Variants in BACH2 observed in about 807,000 individuals in gnomAD.
BACH2 encodes transcription regulator protein BACH2.
Under a neutral mutation model 61.8 loss-of-function variants are expected in BACH2, and 5 were observed. That is an observed-to-expected ratio of 0.08 (90% CI 0.04 to 0.17). The LOEUF (loss-of-function observed/expected upper bound fraction) is 0.17. BACH2 is among the 10% of genes least tolerant of loss of function. BACH2 has a pLI of 1.00. For synonymous variants in BACH2, 446 were observed against 440.1 expected, an observed-to-expected ratio of 1.01 and a Z score of -0.17; for missense variants, 824 against 1,091.1, an observed-to-expected ratio of 0.76 and a Z score of 3.45.
chr6:90,068,813 C>T (rs955224302), intron 5 of BACH2, among the ~76,000 whole-genome samples: 38 of 152,076 alleles, frequency 2.5e-4, no homozygotes, highest in African/African-American at 9.2e-4. Flanking sequence ...TGTGTGGCTT[C>T]TGTTCTGACT....
Position 90,279,295 on chromosome 6 carries a change from G to A in BACH2, c.-445-7354C>T, listed in dbSNP as rs1481580814. 2.0e-5 allele frequency among the ~76,000 whole-genome samples: 3 copies of A among 152,068 alleles called. No homozygotes were observed. In the East Asian group the frequency reaches 5.8e-4, roughly 29 times the overall value. ...CCCAGCACTTTGGGAGGCTGAGGTG[G>A]GCGGATCACCTGAGATCAGGAGTTT... On this transcript the variant is annotated intron_variant, in intron 1 of 8. Transcript: ENST00000257749.
chr6:90,009,085 T>C (rs1315067669), intron 5 of BACH2, among the ~76,000 whole-genome samples: 1 of 152,242 alleles, frequency 6.6e-6, no homozygotes, highest in Non-Finnish European at 1.5e-5. Context: ...TTATGCTTCC[T>C]ACTTACCGCA....
At chr6:90,285,975 C>A (rs182931721) in intron 1 of BACH2, among the ~76,000 whole-genome samples, 1 of 152,054 alleles carries the variant, frequency 6.6e-6, no homozygotes, top group Non-Finnish European at 1.5e-5. Flanking sequence ...CAAGGTTAGA[C>A]CAAAAATATA....
At position 90,279,120 on chromosome 6, in the gene BACH2, G is replaced by A. The variant is rs1771778894; in HGVS notation, c.-445-7179C>T. ...ATGGCTACCATACTGGACAGACCAG[G>A]TTTAGAGTTCAAGCTAGAATATGTG... On this transcript the variant is annotated intron_variant, in intron 1 of 8. Transcript: ENST00000257749. Among the ~76,000 whole-genome samples the A allele has an allele frequency of 2.6e-5, 4 of 152,198 alleles. No homozygotes were observed. The South Asian group carries it at 8.3e-4, about 32-fold the overall frequency.
intron 2 of BACH2, among the ~76,000 whole-genome samples, chr6:90,266,098 C>T (rs903133310): frequency 2.6e-5 from 4 of 152,098 alleles, no homozygotes; most frequent in South Asian, 2.1e-4. Flanking sequence ...AAGCTCCAAC[C>T]CAGATGCTAA....
At chr6:90,153,105 T>C (rs904309012) in intron 4 of BACH2, among the ~76,000 whole-genome samples, 1 of 152,164 alleles carries the variant, frequency 6.6e-6, no homozygotes, top group African/African-American at 2.4e-5. Context: ...CATATATCAT[T>C]AAGTATGCTC....
intron 5 of BACH2, among the ~76,000 whole-genome samples, chr6:90,049,191 A>G (rs962321628): frequency 6.6e-6 from 1 of 152,192 alleles, no homozygotes; most frequent in Non-Finnish European, 1.5e-5. Flanking sequence ...AGTTTTGTAG[A>G]CAGTTACTAT....
chr6:89,928,747 A>C lies in BACH2; in HGVS notation c.*3661T>G, dbSNP rs1772481300. On this transcript the variant is annotated 3_prime_UTR_variant, in exon 9 of 9. Coordinates refer to ENST00000257749, the MANE Select transcript of BACH2 (RefSeq NM_021813.4). ...GAAAGACAGTTAATAAATTACTCGC[A>C]CAACATTCAGTTGCAGACACACAGA... 1 of 152,744 alleles carries C rather than the reference A, an allele frequency of 6.5e-6. No individual in the cohort carries two copies. Among genetic ancestry groups the C allele is most frequent in the African/African-American group, 2.4e-5 (1 of 41,442 alleles). 9.5% of individuals were successfully genotyped at this position (152,744 alleles called of 1,614,324 possible). A position where few individuals can be genotyped will look rare whatever the true frequency, so the allele number is the denominator to read the frequency against.
At chr6:90,168,357 A>C (rs1767700322) in intron 4 of BACH2, among the ~76,000 whole-genome samples, 1 of 152,364 alleles carries the variant, frequency 6.6e-6, no homozygotes, top group Non-Finnish European at 1.5e-5. Context: ...GTGAAGTTTA[A>C]CTAAACCTCT....
chr6:90,147,713 C>T (rs1582419544), intron 4 of BACH2, among the ~76,000 whole-genome samples: 1 of 152,158 alleles, frequency 6.6e-6, no homozygotes, highest in East Asian at 1.9e-4. Flanking sequence ...AAAGAACAGG[C>T]AGTTTTCTCC....
At chr6:90,014,894 C>T (rs149866508) in intron 5 of BACH2, among the ~76,000 whole-genome samples, 161 of 151,788 alleles carry the variant, frequency 1.1e-3, no homozygotes, top group Non-Finnish European at 1.9e-3. Context: ...ACCTTCCTGT[C>T]TCAGGCTCCT....
In BACH2 at chr6:89,982,794, C is replaced by T. The variant is rs373888493; in HGVS notation, c.243+25808G>A. ...AGTATAAGTAACTTAATCAAGGTTA[C>T]AGAGCCATGGCAAGCAGGGCCGGGT... On this transcript the variant is annotated intron_variant, in intron 6 of 8. Coordinates refer to ENST00000257749, the MANE Select transcript of BACH2 (RefSeq NM_021813.4). 2.5e-4 allele frequency among the ~76,000 whole-genome samples: 38 copies of T among 152,300 alleles called. 2 individuals carry two copies. The highest frequency in any genetic ancestry group is 3.4e-3 in the Middle Eastern group (1 of 294).
At chr6:90,293,546 G>A (rs577879616) in intron 1 of BACH2, among the ~76,000 whole-genome samples, 1 of 152,350 alleles carries the variant, frequency 6.6e-6, no homozygotes, top group South Asian at 2.1e-4. Flanking sequence ...CGGCTGTGCA[G>A]ACAGTGGGCC....
chr6:90,129,103 G>A (rs1783990734), intron 4 of BACH2, among the ~76,000 whole-genome samples: 1 of 152,068 alleles, frequency 6.6e-6, no homozygotes, highest in Non-Finnish European at 1.5e-5. Context: ...AGCATTAGGA[G>A]ATATACCTAA....
chr6:90,260,623 A>G (rs1352329221), intron 2 of BACH2, among the ~76,000 whole-genome samples: 2 of 152,250 alleles, frequency 1.3e-5, no homozygotes, highest in Non-Finnish European at 2.9e-5. Context: ...AATGATGTAC[A>G]TGTTGTTGAA....
chr6:90,151,568 G>C (rs1449244228), intron 4 of BACH2, among the ~76,000 whole-genome samples: 1 of 152,202 alleles, frequency 6.6e-6, no homozygotes, highest in African/African-American at 2.4e-5. Context: ...TGGGATTACA[G>C]ATATGAGCCA....
intron 5 of BACH2, among the ~76,000 whole-genome samples, chr6:90,072,653 T>C (rs1471281167): frequency 6.6e-6 from 1 of 152,142 alleles, no homozygotes; most frequent in Non-Finnish European, 1.5e-5. Flanking sequence ...CCCGCCTCTG[T>C]GAAAAGTGCA....
intron 3 of BACH2, among the ~76,000 whole-genome samples, chr6:90,250,494 A>G (rs138754199): frequency 1.3e-5 from 2 of 150,910 alleles, no homozygotes; most frequent in Admixed American, 1.3e-4. Flanking sequence ...CTCACTGTTC[A>G]TTCATTCATT....
intron 1 of BACH2, among the ~76,000 whole-genome samples, chr6:90,275,312 G>A (rs1278616695): frequency 6.6e-6 from 1 of 152,066 alleles, no homozygotes; most frequent in Non-Finnish European, 1.5e-5. Context: ...GAACATACCT[G>A]CTCTTCAAAT....
Sources: gnomAD v4.1 joint callset for allele counts (sites outside exome capture counted in the v4.1 genomes callset) on GRCh38, gnomAD v4.1.1 for gene constraint, MANE v1.5 for transcripts, NCBI Gene and HGNC (gene_info 2026-07-23, HGNC 2026-07-21) for gene names.